Variants in IREB2 observed in about 807,000 individuals in gnomAD.
The protein encoded by IREB2 is iron responsive element binding protein 2.
IREB2 carries 39 observed loss-of-function variants against 118.8 expected under a neutral mutation model. That is an observed-to-expected ratio of 0.33 (90% CI 0.25 to 0.43). The LOEUF (loss-of-function observed/expected upper bound fraction) is 0.43. IREB2 is among the 20% of genes least tolerant of loss of function. The pLI is 1.00. For missense variants in IREB2, 900 were observed against 1,147.3 expected, an observed-to-expected ratio of 0.78 and a Z score of 3.11; for synonymous variants, 372 against 392.2, an observed-to-expected ratio of 0.95 and a Z score of 0.61.
intron 2 of IREB2, 23 bp from the exon 3 acceptor site, chr15:78,462,899 A>AT: frequency 6.5e-7 from 1 of 1,548,322 alleles, no homozygotes; most frequent in Non-Finnish European, 8.7e-7. Context: ...TTGCTTATTA[A>AT]TAGTAATATT....
At chr15:78,488,540 C>A (rs2051697290) in intron 15 of IREB2, 107 bp from the exon 16 acceptor site, 3 of 1,157,238 alleles carry the variant, frequency 2.6e-6, no homozygotes, top group African/African-American at 1.6e-5. Context: ...AAGCCTGAAG[C>A]ACCCTGTTGA....
intron 12 of IREB2, 78 bp downstream of exon 12, chr15:78,484,998 T>C: frequency 1.5e-6 from 2 of 1,342,388 alleles, no homozygotes; most frequent in Non-Finnish European, 1.0e-6. Context: ...ACTTTGTTTC[T>C]TAGATGATGC....
chr15:78,460,138 C>T (rs748014005), intron 2 of IREB2, among the ~76,000 whole-genome samples: 5 of 152,162 alleles, frequency 3.3e-5, no homozygotes, highest in Non-Finnish European at 7.4e-5. Context: ...CTTGTAAGCG[C>T]GCCATCCACA....
chr15:78,477,942 C>T (rs982279836), intron 9 of IREB2, among the ~76,000 whole-genome samples: 3 of 151,828 alleles, frequency 2.0e-5, no homozygotes, highest in South Asian at 2.1e-4. Context: ...AATTTATTGG[C>T]GGGGTGTGGT....
chr15:78,460,560 T>C (rs1238672103), intron 2 of IREB2, among the ~76,000 whole-genome samples: 2 of 152,172 alleles, frequency 1.3e-5, no homozygotes, highest in African/African-American at 2.4e-5. Context: ...ACACAAGATA[T>C]CCAGGCTCAT....
At chr15:78,489,655 C>G (rs1433734148) in intron 16 of IREB2, among the ~76,000 whole-genome samples, 1 of 152,080 alleles carries the variant, frequency 6.6e-6, no homozygotes, top group East Asian at 1.9e-4. Flanking sequence ...GCTGGGGCCA[C>G]AGGCGCTCAC....
At chr15:78,481,522 A>ATT (rs145058390) in intron 10 of IREB2, among the ~76,000 whole-genome samples, 86,192 of 137,874 alleles carry the variant, frequency 0.63, 27,568 homozygotes, top group Non-Finnish European at 0.69. Context: ...CACCTCGCTA[A>ATT]TTTTTTTTTT....
At chr15:78,477,534 TAGG>T (rs2051492510) in intron 9 of IREB2, among the ~76,000 whole-genome samples, 1 of 152,212 alleles carries the variant, frequency 6.6e-6, no homozygotes, top group African/African-American at 2.4e-5. Context: ...TCTCAAGGGT[TAGG>T]AGAAAGAGAA....
intron 2 of IREB2, among the ~76,000 whole-genome samples, chr15:78,456,833 A>C (rs191660523): frequency 6.6e-6 from 1 of 152,052 alleles, no homozygotes; most frequent in Non-Finnish European, 1.5e-5. Flanking sequence ...AGAGAATACT[A>C]TTTTCAATTC....
chr15:78,486,926 C>A (rs1274122170), intron 13 of IREB2, among the ~76,000 whole-genome samples: 1 of 152,040 alleles, frequency 6.6e-6, no homozygotes, highest in Non-Finnish European at 1.5e-5. Flanking sequence ...CGTCTTGGCC[C>A]CCGAAAGTGT....
Position 78,499,284 on chromosome 15 carries a change from C to T in IREB2, c.*1141C>T, listed in dbSNP as rs1024328038. ...TATATCCTCAATATGCATGTCTGCC[C>T]ATCACATCAAATGTTCTGTCAACAA... On this transcript the variant is annotated 3_prime_UTR_variant, in exon 22 of 22. Transcript: ENST00000258886. 5.9e-5 allele frequency: 9 copies of T among 152,094 alleles called. No individual in the cohort carries two copies. The highest frequency in any genetic ancestry group is 2.2e-4 in the African/African-American group (9 of 41,402). The allele number at this position is 152,094 out of a possible 1,614,324, so 9.4% of individuals were successfully genotyped here. A position where few individuals can be genotyped will look rare whatever the true frequency, so the allele number is the denominator to read the frequency against.
Position 78,442,546 on chromosome 15 carries a change from C to T in IREB2, c.106+2665C>T, listed in dbSNP as rs182703452. 4.5e-4 allele frequency among the ~76,000 whole-genome samples: 69 copies of T among 152,328 alleles called. 1 individual carries two copies. The highest frequency in any genetic ancestry group is 6.5e-4 in the Admixed American group (10 of 15,302). On this transcript the variant is annotated intron_variant, in intron 2 of 21. Transcript: ENST00000258886. ...AATGAAGGGAATGGATTCTATCCCTCATAAATGTTACAGAGTAAAGATAGT... is the reference window on the plus strand; with the variant it reads ...AATGAAGGGAATGGATTCTATCCCTTATAAATGTTACAGAGTAAAGATAGT...
rs772091594 is a variant in IREB2 at position 78,497,174 on chromosome 15, C to T, written c.2644C>T (p.His882Tyr). The change falls in exon 21 of 22, where the codon CAT becomes TAT. Residue 882 changes from histidine to tyrosine, a missense_variant. Coordinates refer to ENST00000258886, the MANE Select transcript of IREB2 (RefSeq NM_004136.4). ...AAGTTATGAAAAAATACACAAAGAT[C>T]ATTTGATTGGAATTGGCATAGCTCC... ...AESYEKIHKD[H>Y]LIGIGIAPLQ... 1.2e-6 allele frequency: 2 copies of T among 1,613,874 alleles called. No homozygotes were observed. Among genetic ancestry groups the T allele is most frequent in the Non-Finnish European group, 1.7e-6 (2 of 1,179,834 alleles).
intron 2 of IREB2, among the ~76,000 whole-genome samples, chr15:78,440,301 A>G (rs2141440192): frequency 6.6e-6 from 1 of 152,208 alleles, no homozygotes; most frequent in Admixed American, 6.5e-5. Flanking sequence ...TGTGATTTTT[A>G]GAAGAACCTG....
At chr15:78,485,187 A>G (rs1032863213) in intron 12 of IREB2, among the ~76,000 whole-genome samples, 2 of 152,254 alleles carry the variant, frequency 1.3e-5, no homozygotes, top group African/African-American at 2.4e-5. Context: ...AACTATAGTT[A>G]ATTAGCAGGT....
intron 16 of IREB2, among the ~76,000 whole-genome samples, chr15:78,490,117 G>A (rs1461136346): frequency 6.6e-6 from 1 of 152,074 alleles, no homozygotes; most frequent in Non-Finnish European, 1.5e-5. Flanking sequence ...TGATTTTTTA[G>A]AACACACTGT....
intron 13 of IREB2, among the ~76,000 whole-genome samples, chr15:78,487,443 T>C (rs1371699695): frequency 6.6e-6 from 1 of 152,164 alleles, no homozygotes; most frequent in Non-Finnish European, 1.5e-5. Flanking sequence ...AAAAATTAGC[T>C]GGGCCTGGTG....
intron 2 of IREB2, among the ~76,000 whole-genome samples, chr15:78,443,483 T>C (rs1258486174): frequency 6.6e-6 from 1 of 152,260 alleles, no homozygotes; most frequent in Non-Finnish European, 1.5e-5. Flanking sequence ...TCTGCTTTTT[T>C]ACTGCCATTT....
At position 78,497,209 on chromosome 15, in the gene IREB2, C is replaced by T. The variant is rs1348293567; in HGVS notation, c.2679C>T (p.Phe893=). Residue 893 remains phenylalanine (F), a synonymous_variant, in exon 21 of 22, where the codon TTC becomes TTT. Transcript: ENST00000258886. ...LIGIGIAPLQ[F]LPGENADSLG... is the part of the protein sequence containing the mutation. ...GAATTGGCATAGCTCCACTTCAGTT[C>T]CTTCCAGGAGAAAATGCAGATTCCT... 6.2e-7 allele frequency: 1 copy of T among 1,613,874 alleles called. No homozygotes were observed. The highest frequency in any genetic ancestry group is 8.5e-7 in the Non-Finnish European group (1 of 1,179,762).
Sources: allele counts gnomAD v4.1 joint callset (sites outside exome capture counted in the v4.1 genomes callset), GRCh38; gene constraint gnomAD v4.1.1; transcripts MANE v1.5; gene names NCBI Gene and HGNC (gene_info 2026-07-23, HGNC 2026-07-21).